The following TMEFF2 variants were observed in gnomAD, a reference collection of about 807,000 sequenced individuals.
TMEFF2 encodes the protein transmembrane protein with EGF like and two follistatin like domains 2, also known as tomoregulin-2.
TMEFF2 carries 28 observed loss-of-function variants against 53.8 expected under a neutral mutation model. The ratio of observed to expected loss-of-function variants is 0.52; its 90% CI spans 0.39 to 0.71. The LOEUF (loss-of-function observed/expected upper bound fraction) is 0.71, where lower values mean the gene tolerates loss of function less well. Among genes scored for constraint, TMEFF2 ranks in the 30% least tolerant of loss-of-function variants. The probability of loss-of-function intolerance (pLI) is 0.00; values close to 1 mark genes in which losing one functional copy is unlikely to be tolerated. For synonymous variants in TMEFF2, 162 were observed against 166.3 expected (o/e 0.97, Z 0.20); for missense variants, 353 against 455.2 (o/e 0.78, Z 2.04).
intron 3 of TMEFF2, among the ~76,000 whole-genome samples, chr2:192,179,958 T>C (rs145963568): frequency 0.01 from 1,542 of 151,594 alleles, 41 homozygotes; most frequent in Admixed American, 0.059. Flanking sequence ...ATCTCGGCTA[T>C]GAAAAATTCC....
intron 2 of TMEFF2, among the ~76,000 whole-genome samples, chr2:192,190,385 C>T (rs1318454739): frequency 6.6e-6 from 1 of 152,070 alleles, no homozygotes; most frequent in Non-Finnish European, 1.5e-5. Context: ...ACAAAATTCT[C>T]TGGGACTTTA....
At chr2:191,970,212 GC>G (rs1249006510) in intron 7 of TMEFF2, among the ~76,000 whole-genome samples, 2 of 151,714 alleles carry the variant, frequency 1.3e-5, no homozygotes, top group Non-Finnish European at 2.9e-5. Flanking sequence ...TTCATGCCCA[GC>G]ATTACTTTTT....
chr2:192,105,026 C>T (rs1689114203), intron 4 of TMEFF2, among the ~76,000 whole-genome samples: 1 of 151,924 alleles, frequency 6.6e-6, no homozygotes, highest in Non-Finnish European at 1.5e-5. Flanking sequence ...GGAAACTTTT[C>T]ATTTATTGAA....
chr2:192,038,551 T>G (rs1413557442), intron 5 of TMEFF2, among the ~76,000 whole-genome samples: 1 of 152,112 alleles, frequency 6.6e-6, no homozygotes, highest in Non-Finnish European at 1.5e-5. Flanking sequence ...GGGGTCTCAC[T>G]CTGTTCTTAG....
chr2:192,002,605 G>A (rs754484618), intron 5 of TMEFF2, among the ~76,000 whole-genome samples: 12 of 152,156 alleles, frequency 7.9e-5, no homozygotes, highest in Middle Eastern at 6.8e-3. Context: ...CAAGGTGGGC[G>A]GATCACCTGA....
At chr2:192,127,958 G>T (rs1689718196) in intron 4 of TMEFF2, among the ~76,000 whole-genome samples, 1 of 152,108 alleles carries the variant, frequency 6.6e-6, no homozygotes, top group Admixed American at 6.5e-5. Flanking sequence ...GAGATATGTA[G>T]TTCTGGGCTC....
At chr2:192,132,153 C>A (rs2105978665) in intron 4 of TMEFF2, among the ~76,000 whole-genome samples, 1 of 152,278 alleles carries the variant, frequency 6.6e-6, no homozygotes, top group South Asian at 2.1e-4. Context: ...CTCCGCTCCT[C>A]CACCCTGTAA....
Position 191,949,733 on chromosome 2 carries a change from G to GGGATGAAA in TMEFF2, c.*570_*577dup. The GGGATGAAA allele has an allele frequency of 3.0e-6, 3 of 985,352 alleles. No individual in the cohort carries two copies. Among genetic ancestry groups the GGGATGAAA allele is most frequent in the Non-Finnish European group, 3.6e-6 (3 of 829,908 alleles). 61.0% of individuals were successfully genotyped at this position (985,352 alleles called of 1,614,324 possible). A position where few individuals can be genotyped will look rare whatever the true frequency, so the allele number is the denominator to read the frequency against. On this transcript the variant is annotated 3_prime_UTR_variant, in exon 10 of 10. Coordinates refer to ENST00000272771, the MANE Select transcript of TMEFF2 (RefSeq NM_016192.4). ...ATATGCCAGAGATTTTTCTGCTCTA[G>GGGATGAAA]GGATGAAAATGGAAGACCAGGGAAG...
At chr2:192,090,425 C>T (rs1688764658) in intron 4 of TMEFF2, among the ~76,000 whole-genome samples, 1 of 152,072 alleles carries the variant, frequency 6.6e-6, no homozygotes, top group Non-Finnish European at 1.5e-5. Context: ...TGTCTTTAAT[C>T]TTCAGTAGTT....
At chr2:192,120,580 C>A (rs377277494) in intron 4 of TMEFF2, among the ~76,000 whole-genome samples, 2 of 152,182 alleles carry the variant, frequency 1.3e-5, no homozygotes. Flanking sequence ...TGGAGACTTT[C>A]TCTTCCCAGC....
At position 192,184,612 on chromosome 2, in the gene TMEFF2, A is replaced by G. The variant is rs943005491; in HGVS notation, c.283-129T>C. 13 of 1,157,768 alleles carry G rather than the reference A, an allele frequency of 1.1e-5. No homozygotes were observed. In the South Asian group the frequency reaches 1.8e-4, roughly 16 times the overall value. The allele number at this position is 1,157,768 out of a possible 1,614,324, so 71.7% of individuals were successfully genotyped here. On this transcript the variant is annotated intron_variant, in intron 2 of 9. Transcript: ENST00000272771. ...TTTTCAATGATTCTAATTGTGTCCA[A>G]TAAGTCTTTATAAGGGCATCATTGA...
At chr2:192,130,143 G>C (rs1157178700) in intron 4 of TMEFF2, among the ~76,000 whole-genome samples, 1 of 151,800 alleles carries the variant, frequency 6.6e-6, no homozygotes, top group Non-Finnish European at 1.5e-5. Flanking sequence ...AGTGAAATAA[G>C]GAATTAAACA....
At chr2:192,159,206 A>T (rs1690577651) in intron 4 of TMEFF2, among the ~76,000 whole-genome samples, 1 of 152,162 alleles carries the variant, frequency 6.6e-6, no homozygotes, top group African/African-American at 2.4e-5. Context: ...TGCTACCGTT[A>T]TTTGTAGTTA....
At chr2:192,136,563 G>T (rs551301800) in intron 4 of TMEFF2, among the ~76,000 whole-genome samples, 9 of 152,244 alleles carry the variant, frequency 5.9e-5, no homozygotes, top group Admixed American at 2.6e-4. Context: ...GTATTACCAA[G>T]AGGAGGAAAG....
chr2:192,093,800 A>G (rs1366150511), intron 4 of TMEFF2, among the ~76,000 whole-genome samples: 1 of 149,454 alleles, frequency 6.7e-6, no homozygotes, highest in Non-Finnish European at 1.5e-5. Context: ...GAGAACTCCA[A>G]TGTTAAAAGG....
intron 5 of TMEFF2, among the ~76,000 whole-genome samples, chr2:192,026,188 T>C (rs776625227): frequency 4.0e-5 from 6 of 151,838 alleles, no homozygotes; most frequent in Non-Finnish European, 7.4e-5. Flanking sequence ...ATTAGCCCAA[T>C]AGGCGTTTTA....
chr2:191,970,600 T>TCTAGAAA (rs938782068), intron 7 of TMEFF2, among the ~76,000 whole-genome samples: 2 of 152,208 alleles, frequency 1.3e-5, no homozygotes, highest in Admixed American at 1.3e-4. Context: ...TTCTAATGCC[T>TCTAGAAA]GAATTTCAGT....
intron 4 of TMEFF2, among the ~76,000 whole-genome samples, chr2:192,096,640 T>TC (rs1688911261): frequency 2.8e-5 from 3 of 107,912 alleles, no homozygotes; most frequent in African/African-American, 3.6e-5. Context: ...TTTCTTTTCT[T>TC]CTTCCTTCCT....
At chr2:191,953,197 T>C (rs1213336615) in intron 9 of TMEFF2, among the ~76,000 whole-genome samples, 2 of 152,246 alleles carry the variant, frequency 1.3e-5, no homozygotes, top group Non-Finnish European at 2.9e-5. Flanking sequence ...CAGGAAACAA[T>C]TACCTTTTGA....
Sources: gnomAD v4.1 joint callset for allele counts (sites outside exome capture counted in the v4.1 genomes callset) on GRCh38, gnomAD v4.1.1 for gene constraint, MANE v1.5 for transcripts, NCBI Gene and HGNC (gene_info 2026-07-23, HGNC 2026-07-21) for gene names.